Variants in EXOC2 observed in about 807,000 individuals in gnomAD.
EXOC2 encodes SEC5-like 1.
EXOC2 carries 70 observed loss-of-function variants against 131.8 expected under a neutral mutation model. The ratio of observed to expected loss-of-function variants is 0.53; its 90% confidence interval spans 0.44 to 0.65. The LOEUF (loss-of-function observed/expected upper bound fraction) is 0.65. Among genes scored for constraint, EXOC2 ranks in the 30% least tolerant of loss-of-function variants. The probability of loss-of-function intolerance (pLI) is 0.00; values close to 1 mark genes in which losing one functional copy is unlikely to be tolerated. For synonymous variants in EXOC2, 411 were observed against 398.4 expected, an observed-to-expected ratio of 1.03 and a Z score of -0.38; for missense variants, 923 against 1,108.6, an observed-to-expected ratio of 0.83 and a Z score of 2.38.
intron 25 of EXOC2, among the ~76,000 whole-genome samples, chr6:497,035 T>C (rs536881447): frequency 6.6e-6 from 1 of 151,916 alleles, no homozygotes; most frequent in South Asian, 2.1e-4. Flanking sequence ...AAAAGACTTA[T>C]TAAAAGCAAG....
At chr6:576,033 G>A (rs781679347) in intron 12 of EXOC2, among the ~76,000 whole-genome samples, 16 of 152,086 alleles carry the variant, frequency 1.1e-4, no homozygotes, top group Admixed American at 3.3e-4. Context: ...TAAAACCTTC[G>A]AAAAATTCCC....
intron 2 of EXOC2, among the ~76,000 whole-genome samples, chr6:635,584 G>GA (rs1013206081): frequency 2.4e-4 from 36 of 148,746 alleles, no homozygotes; most frequent in East Asian, 7.8e-4. Flanking sequence ...GCACCTTTTA[G>GA]AAAAAAAAAA....
At position 555,910 on chromosome 6, in the gene EXOC2, T is replaced by C. The variant is rs758836873; in HGVS notation, c.1992+44A>G. The C allele has an allele frequency of 1.0e-5, 16 of 1,575,008 alleles. 1 individual carries two copies. In the South Asian group the frequency reaches 1.7e-4, roughly 17 times the overall value. ...AATAGGAGAGGGGTTGACTGACACTTAGTATTATTTGAGGCTTTCAGCATT... is the reference window on the plus strand; with the variant it reads ...AATAGGAGAGGGGTTGACTGACACTCAGTATTATTTGAGGCTTTCAGCATT... On this transcript the variant is annotated intron_variant, in intron 19 of 27. Coordinates refer to ENST00000230449, the MANE Select transcript of EXOC2 (RefSeq NM_018303.6).
intron 17 of EXOC2, among the ~76,000 whole-genome samples, chr6:557,628 A>AG (rs1351636192): frequency 6.6e-6 from 1 of 151,096 alleles, no homozygotes. Context: ...AAAAAAAAAA[A>AG]AAAAAAAGAA....
intron 4 of EXOC2, among the ~76,000 whole-genome samples, chr6:621,278 C>T (rs1422078319): frequency 2.0e-5 from 3 of 152,206 alleles, no homozygotes; most frequent in East Asian, 1.9e-4. Flanking sequence ...TCAGTGAAGA[C>T]GGTCACATGC....
chr6:682,623 A>G (rs561083019), intron 1 of EXOC2, among the ~76,000 whole-genome samples: 97 of 152,326 alleles, frequency 6.4e-4, no homozygotes, highest in African/African-American at 2.1e-3. Flanking sequence ...AAAGTCATAC[A>G]GTAATGACTA....
At chr6:537,940 C>G (rs1453846252) in intron 22 of EXOC2, among the ~76,000 whole-genome samples, 4 of 152,066 alleles carry the variant, frequency 2.6e-5, no homozygotes, top group African/African-American at 9.7e-5. Flanking sequence ...AAACAGGGCA[C>G]AAGGGAAGGT....
chr6:676,762 G>A (rs71213567), intron 1 of EXOC2, among the ~76,000 whole-genome samples: 4,680 of 81,472 alleles, frequency 0.057, 152 homozygotes, highest in African/African-American at 0.1. Flanking sequence ...TCAGCATTAC[G>A]GAAAGGACAG....
Position 618,460 on chromosome 6 carries a change from G to C in EXOC2, c.537-625C>G, listed in dbSNP as rs377058731. Among the ~76,000 whole-genome samples the C allele has an allele frequency of 2.0e-5, 3 of 152,216 alleles. No individual in the cohort carries two copies. In the East Asian group the frequency reaches 5.8e-4, roughly 29 times the overall value. ...ATGTCCATTTGAGCTAAGAAAATCC[G>C]GCTATAAAACTTTAAACGTATTCTT... On this transcript the variant is annotated intron_variant, in intron 5 of 27. Transcript: ENST00000230449.
intron 1 of EXOC2, chr6:657,027 G>A (rs1451730659): frequency 3.3e-6 from 4 of 1,199,838 alleles, no homozygotes; most frequent in Admixed American, 2.8e-5. Flanking sequence ...GGTCCGTGGC[G>A]CTGCCCTCCC....
chr6:536,342 TC>T (rs1766442942), intron 22 of EXOC2, among the ~76,000 whole-genome samples: 1 of 151,862 alleles, frequency 6.6e-6, no homozygotes, highest in Non-Finnish European at 1.5e-5. Context: ...ATAATAGACA[TC>T]GAAGGATTAT....
intron 11 of EXOC2, among the ~76,000 whole-genome samples, chr6:584,120 AC>A (rs1759070569): frequency 6.6e-6 from 1 of 152,254 alleles, no homozygotes; most frequent in Non-Finnish European, 1.5e-5. Flanking sequence ...CACATATACA[AC>A]AATACACTTA....
At chr6:537,811 CA>C (rs1363915868) in intron 22 of EXOC2, among the ~76,000 whole-genome samples, 1 of 152,138 alleles carries the variant, frequency 6.6e-6, no homozygotes, top group Non-Finnish European at 1.5e-5. Context: ...TAATTTGGAG[CA>C]AAAGAAGCCA....
chr6:523,610 T>C (rs1461078305), intron 23 of EXOC2, among the ~76,000 whole-genome samples: 3 of 152,252 alleles, frequency 2.0e-5, no homozygotes, highest in Non-Finnish European at 4.4e-5. Context: ...GAATTCAAGT[T>C]AGACTAAGTT....
At chr6:541,785 C>G (rs980298025) in intron 22 of EXOC2, among the ~76,000 whole-genome samples, 2 of 152,104 alleles carry the variant, frequency 1.3e-5, no homozygotes, top group Non-Finnish European at 2.9e-5. Flanking sequence ...GAAATTGGGC[C>G]AGTCATTAGC....
chr6:675,967 G>T (rs927255440), intron 1 of EXOC2, among the ~76,000 whole-genome samples: 2 of 124,576 alleles, frequency 1.6e-5, no homozygotes, highest in African/African-American at 2.9e-5. Context: ...GGTTCCTCTG[G>T]AGACTCTGAG....
At chr6:639,184 T>C (rs1337917704) in intron 1 of EXOC2, among the ~76,000 whole-genome samples, 4 of 152,084 alleles carry the variant, frequency 2.6e-5, no homozygotes, top group Non-Finnish European at 5.9e-5. Flanking sequence ...ACAGCAGAGG[T>C]GTGGGAAACT....
rs765331735 is a variant in EXOC2, at chr6:562,859, A to T, written c.1790-14T>A. ...ATCTCTTTATTTCTATATGAGAAGA[A>T]GCACACAAATACTTTATTATAATTA... is the stretch of plus-strand genomic sequence containing the variant. On this transcript the variant is annotated splice_polypyrimidine_tract_variant and intron_variant, in intron 16 of 27. Coordinates refer to ENST00000230449, the MANE Select transcript of EXOC2 (RefSeq NM_018303.6). 6.4e-7 allele frequency: 1 copy of T among 1,560,402 alleles called. No homozygotes were observed.
intron 7 of EXOC2, among the ~76,000 whole-genome samples, chr6:607,479 G>C (rs1171118508): frequency 6.6e-6 from 1 of 152,234 alleles, no homozygotes; most frequent in African/African-American, 2.4e-5. Flanking sequence ...ACAAGCGTGA[G>C]CTACGACTGC....
Sources: allele counts gnomAD v4.1 joint callset (sites outside exome capture counted in the v4.1 genomes callset), GRCh38; gene constraint gnomAD v4.1.1; transcripts MANE v1.5; gene names NCBI Gene and HGNC (gene_info 2026-07-23, HGNC 2026-07-21).